The following RPS4Y1 variants were observed in gnomAD, a reference collection of about 807,000 sequenced individuals.
The protein encoded by RPS4Y1 is ribosomal protein S4 Y-linked 1, also known as small ribosomal subunit protein eS4, Y isoform 1.
For synonymous variants in RPS4Y1, 23 were observed against 20.8 expected (o/e 1.10, Z -0.28); for missense variants, 30 against 60.9 (o/e 0.49, Z 1.69).
At chrY:2,861,746 C>T in intron 5 of RPS4Y1, among the ~76,000 whole-genome samples, 3 of 29,143 alleles carry the variant, frequency 1.0e-4, no homozygotes, top group African/African-American at 4.1e-4. Flanking sequence ...CTCCGAGTAG[C>T]TGGGGTTACA....
At chrY:2,855,552 G>A (rs1002030689) in intron 5 of RPS4Y1, among the ~76,000 whole-genome samples, 1 of 33,678 alleles carries the variant, frequency 3.0e-5, no homozygotes, top group Non-Finnish European at 7.4e-5. Flanking sequence ...ACAGGCTAGG[G>A]TTGTCTGATT....
At chrY:2,851,771 C>T in intron 4 of RPS4Y1, among the ~76,000 whole-genome samples, 6 of 32,705 alleles carry the variant, frequency 1.8e-4, no homozygotes, top group Non-Finnish European at 3.0e-4. Context: ...CCTCATCTCA[C>T]GTAAGTATTT....
chrY:2,866,433 CTGA>C (rs2051167643), intron 6 of RPS4Y1, among the ~76,000 whole-genome samples: 1 of 34,135 alleles, frequency 2.9e-5, no homozygotes, highest in African/African-American at 1.1e-4. Context: ...TTCTGTAAAG[CTGA>C]TGATAGGGTG....
chrY:2,860,650 C>T (rs2051162943), intron 5 of RPS4Y1, among the ~76,000 whole-genome samples: 1 of 33,729 alleles, frequency 3.0e-5, no homozygotes, highest in South Asian at 6.6e-4. Flanking sequence ...TTAGACTCTT[C>T]GTTGTCACTT....
At chrY:2,861,961 A>G (rs2051163870) in intron 5 of RPS4Y1, among the ~76,000 whole-genome samples, 1 of 31,790 alleles carries the variant, frequency 3.1e-5, no homozygotes, top group African/African-American at 1.2e-4. Flanking sequence ...CATGTTAGCC[A>G]GGCTAGTGTT....
chrY:2,846,360 C>T, intron 4 of RPS4Y1, among the ~76,000 whole-genome samples: 1 of 33,728 alleles, frequency 3.0e-5, no homozygotes. Context: ...ACCCTTCAGT[C>T]ATCCATTCCT....
At chrY:2,848,021 T>C (rs2051153810) in intron 4 of RPS4Y1, among the ~76,000 whole-genome samples, 1 of 32,314 alleles carries the variant, frequency 3.1e-5, no homozygotes, top group South Asian at 7.3e-4. Flanking sequence ...AGGTTCTGTT[T>C]CCTGAAAAGT....
intron 5 of RPS4Y1, among the ~76,000 whole-genome samples, chrY:2,857,858 C>T (rs979045075): frequency 4.7e-4 from 16 of 34,161 alleles, no homozygotes; most frequent in Non-Finnish European, 8.7e-4. Flanking sequence ...GGGGACACAG[C>T]GGTGCAGACA....
chrY:2,850,158 A>G, intron 4 of RPS4Y1, among the ~76,000 whole-genome samples: 1 of 34,186 alleles, frequency 2.9e-5, no homozygotes, highest in Non-Finnish European at 7.3e-5. Context: ...GAACTATCTC[A>G]CAGGATGGAG....
At position 2,841,611 on chromosome Y, in the gene RPS4Y1, C is replaced by T; in HGVS notation, c.-14C>T. The T allele has an allele frequency of 2.5e-6, 1 of 396,479 alleles. No individual in the cohort carries two copies. Among genetic ancestry groups the T allele is most frequent in the Non-Finnish European group, 3.6e-6 (1 of 281,523 alleles). On this transcript the variant is annotated 5_prime_UTR_variant, in exon 1 of 7. Coordinates refer to ENST00000250784, the MANE Select transcript of RPS4Y1 (RefSeq NM_001008.4). The stretch of plus-strand genomic sequence containing the variant: ...CGGAAAAGAACAGATTCTCTTCCGT[C>T]GCAGAGTTTCGCCATGGTAAGACCG...
At chrY:2,862,805 C>G in intron 5 of RPS4Y1, among the ~76,000 whole-genome samples, 1 of 33,816 alleles carries the variant, frequency 3.0e-5, no homozygotes, top group South Asian at 6.6e-4. Flanking sequence ...TCACCTTGAT[C>G]AAGACTTGAG....
intron 4 of RPS4Y1, among the ~76,000 whole-genome samples, chrY:2,850,845 T>C (rs2051155611): frequency 1.4e-4 from 3 of 21,177 alleles, no homozygotes; most frequent in Admixed American, 7.6e-4. Flanking sequence ...TCTTTCTTTT[T>C]TTTTTTTTTT....
intron 3 of RPS4Y1, among the ~76,000 whole-genome samples, chrY:2,844,986 G>A: frequency 3.1e-5 from 1 of 32,437 alleles, no homozygotes; most frequent in African/African-American, 1.2e-4. Context: ...GCTCAGTACA[G>A]CTTTTTAGCC....
chrY:2,853,068 A>G (rs2051157170), intron 4 of RPS4Y1, among the ~76,000 whole-genome samples: 1 of 33,146 alleles, frequency 3.0e-5, no homozygotes, highest in African/African-American at 1.2e-4. Context: ...GGCCTTTTTT[A>G]TAGGAGAATG....
At chrY:2,850,874 C>T in intron 4 of RPS4Y1, among the ~76,000 whole-genome samples, 2 of 16,888 alleles carry the variant, frequency 1.2e-4, no homozygotes, top group African/African-American at 2.4e-4. Context: ...GACGGAGTCT[C>T]GCTCTGTCGC....
chrY:2,859,197 T>G (rs2051161887), intron 5 of RPS4Y1, among the ~76,000 whole-genome samples: 1 of 33,852 alleles, frequency 3.0e-5, no homozygotes, highest in African/African-American at 1.2e-4. Flanking sequence ...AGTTGTAACT[T>G]GACTGGTTGG....
intron 4 of RPS4Y1, among the ~76,000 whole-genome samples, chrY:2,853,244 C>T (rs970076778): frequency 3.0e-5 from 1 of 33,039 alleles, no homozygotes; most frequent in Non-Finnish European, 7.4e-5. Context: ...AGTGGCTCCT[C>T]GAGTTCATTT....
At chrY:2,845,618 G>C in intron 3 of RPS4Y1, 28 bp from the exon 4 acceptor site, 1 of 343,099 alleles carries the variant, frequency 2.9e-6, no homozygotes, top group Non-Finnish European at 4.3e-6. Context: ...TTGTGTTAAC[G>C]ATGTTCCTTA....
intron 5 of RPS4Y1, among the ~76,000 whole-genome samples, chrY:2,855,714 G>A (rs113032659): frequency 0.11 from 3,763 of 33,650 alleles, no homozygotes; most frequent in Non-Finnish European, 0.19. Flanking sequence ...TATTAAACAG[G>A]ATGTGTCATG....
Sources: gnomAD v4.1 joint callset for allele counts (sites outside exome capture counted in the v4.1 genomes callset) on GRCh38, gnomAD v4.1.1 for gene constraint, MANE v1.5 for transcripts, NCBI Gene and HGNC (gene_info 2026-07-23, HGNC 2026-07-21) for gene names.